The following GC variants were observed in gnomAD, a reference collection of about 807,000 sequenced individuals.
The protein encoded by GC is GC vitamin D binding protein, also known as vitamin D-binding protein.
In GC, 43 loss-of-function variants were observed where a neutral mutation model predicts 56.7. The observed-to-expected ratio is 0.76, with a 90% CI of 0.59 to 0.98. GC has a LOEUF of 0.98. Among genes scored for constraint, GC ranks in the 50% least tolerant of loss-of-function variants. The pLI is 0.00. For missense variants in GC, 529 were observed against 545.9 expected (o/e 0.97, Z 0.31); for synonymous variants, 216 against 202.7 (o/e 1.07, Z -0.56).
At chr4:71,752,680 C>T (rs764889887) in intron 10 of GC, 30 bp from the exon 11 acceptor site, 114 of 1,582,674 alleles carry the variant, frequency 7.2e-5, no homozygotes, top group Non-Finnish European at 9.8e-5. Flanking sequence ...TAAGGTCTTA[C>T]TACATGTATT....
chr4:71,785,331 G>A (rs1004321230), upstream of GC, among the ~76,000 whole-genome samples: 1 of 151,664 alleles, frequency 6.6e-6, no homozygotes, highest in Non-Finnish European at 1.5e-5. Context: ...TGAAACTAAT[G>A]AGGCCATTGG....
chr4:71,767,633 A>G (rs921035397), intron 3 of GC, among the ~76,000 whole-genome samples: 5 of 148,432 alleles, frequency 3.4e-5, no homozygotes, highest in African/African-American at 4.9e-5. Context: ...ATTAAATTAT[A>G]TAATATATAA....
At chr4:71,754,904 A>G (rs1413025807) in intron 9 of GC, 74 bp downstream of exon 9, 4 of 978,216 alleles carry the variant, frequency 4.1e-6, no homozygotes, top group Non-Finnish European at 1.5e-6. Flanking sequence ...GGCAGTGAGC[A>G]AGTTTTGGCC....
chr4:71,804,906 C>T (rs1024322341), upstream of GC, among the ~76,000 whole-genome samples: 3 of 79,768 alleles, frequency 3.8e-5, no homozygotes, highest in Admixed American at 1.7e-4. Context: ...CTGGTAACAG[C>T]GGGGCTGAGG....
intron 2 of GC, 110 bp from the exon 3 acceptor site, chr4:71,768,543 A>C: frequency 3.5e-6 from 3 of 847,262 alleles, no homozygotes; most frequent in Non-Finnish European, 5.3e-6. Flanking sequence ...ATCTCAGCTC[A>C]CTGCACTCTC....
At chr4:71,803,847 T>C (rs1234894694) in intron 1 of GC, 3 of 806,534 alleles carry the variant, frequency 3.7e-6, no homozygotes, top group African/African-American at 3.4e-5. Flanking sequence ...CAGAACATTG[T>C]AAATTCATTT....
In GC at chr4:71,752,609, G is replaced by A; in HGVS notation, c.1304C>T (p.Pro435Leu). 1 of 1,613,450 alleles carries A rather than the reference G, an allele frequency of 6.2e-7. No homozygotes were observed. The highest frequency in any genetic ancestry group is 1.3e-5 in the African/African-American group (1 of 75,008). ...GTTAACCAGCTTTGCCAGTTCCGTG[G>A]GTGTGGCATCAGGCAATTTTGCTTT... ...RLKAKLPDAT[P>L]TELAKLVNKH... is the part of the protein sequence containing the mutation. The change falls in exon 11 of 13, where the codon CCC (proline) becomes CTC (leucine). Residue 435 changes from proline (P) to leucine (L), a missense_variant. By Grantham distance (98) the Pro-to-Leu change is moderately conservative. Coordinates refer to ENST00000273951, the MANE Select transcript of GC (RefSeq NM_000583.4).
chr4:71,745,805 A>T (rs75433104), intron 12 of GC, among the ~76,000 whole-genome samples: 2 of 152,260 alleles, frequency 1.3e-5, no homozygotes, highest in East Asian at 3.9e-4. Context: ...TATTTTTAAG[A>T]CTTGATGAGC....
intron 2 of GC, 125 bp downstream of exon 2, chr4:71,769,206 G>A: frequency 1.5e-6 from 1 of 665,280 alleles, no homozygotes; most frequent in Middle Eastern, 2.5e-4. Flanking sequence ...CTTGGGCCTG[G>A]GGCTCTGTCC....
intron 1 of GC, among the ~76,000 whole-genome samples, chr4:71,803,433 G>C (rs1209179187): frequency 6.6e-6 from 1 of 152,110 alleles, no homozygotes; most frequent in Non-Finnish European, 1.5e-5. Context: ...TAAACAAGAA[G>C]TTAATGCATA....
intron 12 of GC, among the ~76,000 whole-genome samples, 176 bp downstream of exon 12, chr4:71,745,975 T>C (rs1172294518): frequency 6.6e-6 from 1 of 151,986 alleles, no homozygotes; most frequent in East Asian, 1.9e-4. Context: ...AGAAATTGGC[T>C]GCTCTTGTAT....
chr4:71,796,606 A>G (rs562496282), intron 1 of GC, among the ~76,000 whole-genome samples: 1 of 152,286 alleles, frequency 6.6e-6, no homozygotes, highest in East Asian at 1.9e-4. Context: ...GATGGGTTAG[A>G]ACATGCTCCT....
At chr4:71,785,893 C>T (rs954781710), upstream of GC, 10 of 151,726 alleles carry the variant, frequency 6.6e-5, no homozygotes, top group South Asian at 8.3e-4. Context: ...TTTCATTTTT[C>T]TTTAAGATAA....
chr4:71,779,475 T>C (rs1383779872), intron 1 of GC, among the ~76,000 whole-genome samples: 22 of 151,744 alleles, frequency 1.4e-4, no homozygotes. Context: ...AGAGAAGAAC[T>C]AATGCAAAGC....
chr4:71,784,093 TG>T (rs781340580), upstream of GC: 26 of 1,540,990 alleles, frequency 1.7e-5, no homozygotes, highest in Non-Finnish European at 2.2e-5. Flanking sequence ...CAAAAGTAAT[TG>T]GTTTCCTTTT....
chr4:71,801,009 A>G (rs1368395063), intron 1 of GC, among the ~76,000 whole-genome samples: 7 of 152,216 alleles, frequency 4.6e-5, no homozygotes, highest in African/African-American at 2.4e-5. Context: ...TTAAAACTTT[A>G]TGCTTCATAG....
In GC at chr4:71,794,512, T is replaced by C. The variant is rs571544951; in HGVS notation, c.21+9414A>G. On this transcript the variant is annotated intron_variant, in intron 1 of 13. Coordinates refer to the GC transcript ENST00000504199. ...GGGATTGGTGGTGATATCCCCTTTA[T>C]CATATTTTATTGCATCTATTTGATT... 3.5e-4 allele frequency among the ~76,000 whole-genome samples: 53 copies of C among 152,332 alleles called. 1 individual carries two copies. The Middle Eastern group carries it at 0.014, about 39-fold the overall frequency.
chr4:71,752,271 CTT>C (rs773944553), intron 11 of GC, among the ~76,000 whole-genome samples: 17 of 152,278 alleles, frequency 1.1e-4, no homozygotes, highest in Non-Finnish European at 2.5e-4. Context: ...TTCACAGACT[CTT>C]TTGTTTCTTA....
chr4:71,750,463 C>A (rs1026911538), intron 11 of GC, among the ~76,000 whole-genome samples: 1 of 152,160 alleles, frequency 6.6e-6, no homozygotes, highest in African/African-American at 2.4e-5. Context: ...ACTTTCGTGA[C>A]TTGCTTTTTT....
Sources: gnomAD v4.1 joint callset for allele counts (sites outside exome capture counted in the v4.1 genomes callset) on GRCh38, gnomAD v4.1.1 for gene constraint, MANE v1.5 for transcripts, NCBI Gene and HGNC (gene_info 2026-07-23, HGNC 2026-07-21) for gene names.